The following ZNF695 variants were observed in gnomAD, a reference collection of about 807,000 sequenced individuals.
The protein encoded by ZNF695 is zinc finger protein SBZF3.
ZNF695 carries 11 observed loss-of-function variants against 11.2 expected under a neutral mutation model. That is an observed-to-expected ratio of 0.98 (90% confidence interval 0.62 to 1.62). The LOEUF is 1.62. ZNF695 is among the 40% of genes most tolerant of loss of function. The probability of loss-of-function intolerance (pLI) is 0.00; values close to 1 mark genes in which losing one functional copy is unlikely to be tolerated. For synonymous variants in ZNF695, 190 were observed against 201.4 expected (o/e 0.94, Z 0.48); for missense variants, 559 against 590.5 (o/e 0.95, Z 0.55).
rs182631031 is a variant in ZNF695 at position 246,967,909 on chromosome 1, T to C, written c.391-117A>G. ...GAGAAGTCTGCCCCCATGATCCAATTACCTTCCCACCAGGACCCTCCTCCA... is the reference window on the plus strand; with the variant it reads ...GAGAAGTCTGCCCCCATGATCCAATCACCTTCCCACCAGGACCCTCCTCCA... On this transcript the variant is annotated intron_variant, in intron 4 of 5. Transcript: ENST00000487338. The C allele has an allele frequency of 2.8e-4, 49 of 176,326 alleles. No individual in the cohort carries two copies. The East Asian group carries it at 6.8e-3, about 24-fold the overall frequency. 10.9% of individuals were successfully genotyped at this position (176,326 alleles called of 1,614,324 possible). A position where few individuals can be genotyped will look rare whatever the true frequency, so the allele number is the denominator to read the frequency against.
intron 4 of ZNF695, among the ~76,000 whole-genome samples, chr1:246,978,149 T>C (rs1344052802): frequency 6.6e-6 from 1 of 152,194 alleles, no homozygotes; most frequent in Non-Finnish European, 1.5e-5. Flanking sequence ...CTGCTACCTG[T>C]ACTATCATGA....
intron 5 of ZNF695, among the ~76,000 whole-genome samples, chr1:246,951,408 T>C (rs1667867021): frequency 6.6e-6 from 1 of 152,172 alleles, no homozygotes; most frequent in Non-Finnish European, 1.5e-5. Context: ...GGAGTGATGT[T>C]GCCACAAGCC....
chr1:246,995,833 A>G lies in ZNF695; in HGVS notation c.259+3515T>C, dbSNP rs1181557712. 2.6e-5 allele frequency among the ~76,000 whole-genome samples: 4 copies of G among 151,768 alleles called. No individual in the cohort carries two copies. In the East Asian group the frequency reaches 5.8e-4, roughly 22 times the overall value. On this transcript the variant is annotated intron_variant, in intron 3 of 3. Coordinates refer to ENST00000339986, the MANE Select transcript of ZNF695 (RefSeq NM_020394.5). Reference sequence around the variant, plus strand: ...TGTCTCAAAAAAAAAAAAAAAAAAAAAAAAGAAGCTGCGGTAATTAAAACA... The same window carrying G: ...TGTCTCAAAAAAAAAAAAAAAAAAAGAAAAGAAGCTGCGGTAATTAAAACA...
intron 3 of ZNF695, among the ~76,000 whole-genome samples, chr1:246,994,125 AAAT>A (rs545355654): frequency 4.2e-4 from 64 of 152,332 alleles, no homozygotes; most frequent in African/African-American, 1.4e-3. Flanking sequence ...AAAAGCGTAA[AAAT>A]AATTATAAAC....
At position 246,966,652 on chromosome 1, in the gene ZNF695, G is replaced by A. The variant is rs144798873; in HGVS notation, c.488+1043C>T. Among the ~76,000 whole-genome samples, 532 of 152,164 alleles carry A rather than the reference G, an allele frequency of 3.5e-3. 4 individuals are homozygous for A. The highest frequency in any genetic ancestry group is 0.012 in the African/African-American group (509 of 41,496). On this transcript the variant is annotated intron_variant, in intron 5 of 5. Coordinates refer to the ZNF695 transcript ENST00000487338. ...TTTTTTCTAATCAGCTAGGTATGGG[G>A]GCACATTCTTGTAGTACTAGCTACC...
intron 5 of ZNF695, among the ~76,000 whole-genome samples, chr1:246,964,895 A>G (rs1055491983): frequency 3.3e-5 from 5 of 152,160 alleles, no homozygotes; most frequent in African/African-American, 1.2e-4. Flanking sequence ...TTAATAAAAA[A>G]TAAATTAGAA....
chr1:247,005,005 A>C (rs143212810), intron 1 of ZNF695, among the ~76,000 whole-genome samples: 1 of 152,300 alleles, frequency 6.6e-6, no homozygotes, highest in African/African-American at 2.4e-5. Flanking sequence ...AATGTCCGTA[A>C]CTCCACAAAG....
intron 5 of ZNF695, among the ~76,000 whole-genome samples, chr1:246,956,752 G>C (rs1668012383): frequency 6.6e-6 from 1 of 152,090 alleles, no homozygotes; most frequent in Non-Finnish European, 1.5e-5. Context: ...TTGCTGTGTT[G>C]CCCAAGCTAG....
At chr1:246,945,558 T>C (rs984420931), downstream of ZNF695, 1 of 498,698 alleles carries the variant, frequency 2.0e-6, no homozygotes, top group Non-Finnish European at 3.6e-6. Context: ...AATTAATACA[T>C]TTTCTTTTCT....
Position 246,986,555 on chromosome 1 carries a change from A to T in ZNF695, c.*412T>A, listed in dbSNP as rs1388702722. 1.0e-6 allele frequency: 1 copy of T among 992,472 alleles called. No individual in the cohort carries two copies. Among genetic ancestry groups the T allele is most frequent in the Middle Eastern group, 5.2e-4 (1 of 1,938 alleles). The allele number at this position is 992,472 out of a possible 1,614,324, so 61.5% of individuals were successfully genotyped here. A position where few individuals can be genotyped will look rare whatever the true frequency, so the allele number is the denominator to read the frequency against. On this transcript the variant is annotated 3_prime_UTR_variant, in exon 4 of 4. Transcript: ENST00000339986. Reference sequence around the variant, plus strand: ...GTTTTGATGTAATTTTTGATTAGACATTTTTTCACATTTACTGCATCTGTA... The same window carrying T: ...GTTTTGATGTAATTTTTGATTAGACTTTTTTTCACATTTACTGCATCTGTA...
At position 246,976,717 on chromosome 1, in the gene ZNF695, C is replaced by A. The variant is rs147442355; in HGVS notation, c.391-8925G>T. Among the ~76,000 whole-genome samples, 1,082 of 152,144 alleles carry A rather than the reference C, an allele frequency of 7.1e-3. 8 individuals carry two copies. Among genetic ancestry groups the A allele is most frequent in the South Asian group, 0.031 (150 of 4,814 alleles). On this transcript the variant is annotated intron_variant, in intron 4 of 5. Coordinates refer to the ZNF695 transcript ENST00000487338. ...GCTGAGGCAGAAGAATGGCATGAAC[C>A]CGGGAGGCAGAGCTTGCAGTGTGCT... is the stretch of plus-strand genomic sequence containing the variant.
intron 1 of ZNF695, among the ~76,000 whole-genome samples, chr1:247,000,997 A>T (rs568021276): frequency 6.6e-6 from 1 of 152,158 alleles, no homozygotes; most frequent in Non-Finnish European, 1.5e-5. Context: ...GTTCAAGGCC[A>T]GCCTAGGCAA....
chr1:246,964,825 C>G (rs938702414), intron 5 of ZNF695, among the ~76,000 whole-genome samples: 4 of 151,930 alleles, frequency 2.6e-5, no homozygotes, highest in Non-Finnish European at 4.4e-5. Flanking sequence ...GAGCTGAGAT[C>G]GCGGCACTGC....
intron 5 of ZNF695, among the ~76,000 whole-genome samples, chr1:246,955,098 C>T (rs1042015905): frequency 1.3e-5 from 2 of 152,186 alleles, no homozygotes; most frequent in Admixed American, 6.5e-5. Flanking sequence ...TCTGCACGTG[C>T]TTTCTTGCCT....
At chr1:246,998,226 A>G (rs1418283630) in intron 3 of ZNF695, among the ~76,000 whole-genome samples, 1 of 152,228 alleles carries the variant, frequency 6.6e-6, no homozygotes, top group African/African-American at 2.4e-5. Flanking sequence ...ACACAGACCG[A>G]TGAAGTTTCA....
intron 1 of ZNF695, among the ~76,000 whole-genome samples, chr1:247,002,154 T>C (rs930648694): frequency 6.6e-6 from 1 of 151,600 alleles, no homozygotes; most frequent in African/African-American, 2.4e-5. Flanking sequence ...AAGACCACAG[T>C]TAAATAAAAA....
chr1:246,954,421 G>C lies in ZNF695; in HGVS notation c.489-8594C>G, dbSNP rs574751932. On this transcript the variant is annotated intron_variant, in intron 5 of 5. Transcript: ENST00000487338. ...GAGTTCAGCCCGAATTGCTGGAGAA[G>C]ATCCACCAACCTTCCAGTGGCCTAA... is the stretch of plus-strand genomic sequence containing the variant. Among the ~76,000 whole-genome samples, 11 of 152,298 alleles carry C rather than the reference G, an allele frequency of 7.2e-5. No individual in the cohort carries two copies. The South Asian group carries it at 2.1e-3, about 29-fold the overall frequency.
intron 4 of ZNF695, among the ~76,000 whole-genome samples, chr1:246,976,551 T>G (rs561274958): frequency 1.7e-3 from 264 of 151,926 alleles, no homozygotes; most frequent in African/African-American, 6.0e-3. Flanking sequence ...TCCCAGCACT[T>G]TGGGAGGCCA....
chr1:247,004,451 T>TA (rs1669480441), intron 1 of ZNF695, among the ~76,000 whole-genome samples: 1 of 150,944 alleles, frequency 6.6e-6, no homozygotes, highest in Non-Finnish European at 1.5e-5. Context: ...GCATACACAG[T>TA]AAAATCATAC....
Sources: gnomAD v4.1 joint callset for allele counts (sites outside exome capture counted in the v4.1 genomes callset) on GRCh38, gnomAD v4.1.1 for gene constraint, MANE v1.5 for transcripts, NCBI Gene and HGNC (gene_info 2026-07-23, HGNC 2026-07-21) for gene names.